AGBL1: variants seen among roughly 807,000 people sequenced by gnomAD.
AGBL1 encodes AGBL carboxypeptidase 1.
AGBL1 carries 130 observed loss-of-function variants against 118.9 expected under a neutral mutation model. The ratio of observed to expected loss-of-function variants is 1.09; its 90% CI spans 0.95 to 1.26. The LOEUF (loss-of-function observed/expected upper bound fraction) is 1.26. Ranked by LOEUF, AGBL1 falls within the 50% of genes most tolerant of loss-of-function variation. The pLI is 0.00. For missense variants in AGBL1, 1,584 were observed against 1,298.1 expected (o/e 1.22, Z -3.38); for synonymous variants, 555 against 478.9 (o/e 1.16, Z -2.08).
intron 6 of AGBL1, among the ~76,000 whole-genome samples, chr15:86,230,204 G>A (rs1372353579): frequency 6.6e-6 from 1 of 152,176 alleles, no homozygotes; most frequent in African/African-American, 2.4e-5. Context: ...CTGAGAGCCG[G>A]ATCAGGAACA....
At chr15:86,433,580 G>A (rs2081966213) in intron 18 of AGBL1, among the ~76,000 whole-genome samples, 1 of 152,094 alleles carries the variant, frequency 6.6e-6, no homozygotes, top group African/African-American at 2.4e-5. Flanking sequence ...AGAGAGAAGT[G>A]TGTCAGGGTC....
At chr15:86,578,289 A>G (rs1596284328) in intron 21 of AGBL1, among the ~76,000 whole-genome samples, 1 of 152,220 alleles carries the variant, frequency 6.6e-6, no homozygotes, top group East Asian at 1.9e-4. Flanking sequence ...TCAGACTTGC[A>G]TGGGGGATGT....
At chr15:86,400,580 C>T (rs575092332) in intron 18 of AGBL1, among the ~76,000 whole-genome samples, 7 of 150,614 alleles carry the variant, frequency 4.6e-5, no homozygotes, top group African/African-American at 1.7e-4. Context: ...TACATTGTAC[C>T]CAATGTGTAG....
At chr15:86,866,847 T>C (rs1272830998) in intron 22 of AGBL1, among the ~76,000 whole-genome samples, 2 of 152,198 alleles carry the variant, frequency 1.3e-5, no homozygotes, top group East Asian at 1.9e-4. Flanking sequence ...AATAGAACTA[T>C]GCTTAGTCCA....
intron 22 of AGBL1, among the ~76,000 whole-genome samples, chr15:86,749,816 T>C (rs2077818451): frequency 6.6e-6 from 1 of 152,208 alleles, no homozygotes; most frequent in African/African-American, 2.4e-5. Flanking sequence ...TTACTTTTAT[T>C]GATTTGCGTA....
At chr15:86,514,242 C>G (rs533888058) in intron 18 of AGBL1, among the ~76,000 whole-genome samples, 1 of 152,156 alleles carries the variant, frequency 6.6e-6, no homozygotes, top group East Asian at 1.9e-4. Context: ...TACAAAATCA[C>G]AGAGTTAATT....
intron 21 of AGBL1, among the ~76,000 whole-genome samples, chr15:86,618,809 CCCT>C (rs1454070315): frequency 4.6e-5 from 7 of 152,060 alleles, no homozygotes; most frequent in African/African-American, 1.7e-4. Context: ...GCCCGTTTTG[CCCT>C]CCTCATTACA....
chr15:86,861,687 G>A (rs1241906561), intron 22 of AGBL1, among the ~76,000 whole-genome samples: 1 of 152,116 alleles, frequency 6.6e-6, no homozygotes, highest in Non-Finnish European at 1.5e-5. Context: ...CATATAGTGA[G>A]GACACCAAAA....
intron 22 of AGBL1, among the ~76,000 whole-genome samples, chr15:86,755,673 CCT>C (rs2077927932): frequency 6.6e-6 from 1 of 152,100 alleles, no homozygotes; most frequent in African/African-American, 2.4e-5. Flanking sequence ...TTGTCCTGTG[CCT>C]CTGTTCCTTC....
At chr15:86,279,805 C>T (rs767612404) in intron 16 of AGBL1, 22 bp downstream of exon 16, 2 of 1,612,602 alleles carry the variant, frequency 1.2e-6, no homozygotes, top group Non-Finnish European at 1.7e-6. Flanking sequence ...TTTATAGCAT[C>T]ACTCCAGCAG....
intron 17 of AGBL1, among the ~76,000 whole-genome samples, chr15:86,313,160 C>T (rs2079945663): frequency 6.6e-6 from 1 of 152,070 alleles, no homozygotes; most frequent in Admixed American, 6.5e-5. Flanking sequence ...GTGGGGGACA[C>T]CTGAATTTGA....
At chr15:86,729,566 A>G (rs146531163) in intron 22 of AGBL1, among the ~76,000 whole-genome samples, 54 of 152,314 alleles carry the variant, frequency 3.5e-4, no homozygotes, top group African/African-American at 1.3e-3. Context: ...GCTTAGGATA[A>G]TGGCCTCCAG....
At chr15:87,016,304 A>G (rs761765186) in intron 24 of AGBL1, among the ~76,000 whole-genome samples, 2 of 152,182 alleles carry the variant, frequency 1.3e-5, no homozygotes, top group African/African-American at 2.4e-5. Flanking sequence ...TCTGACTGCT[A>G]TAATAGAGAC....
intron 22 of AGBL1, among the ~76,000 whole-genome samples, chr15:86,761,342 G>A (rs899369475): frequency 6.6e-6 from 1 of 152,034 alleles, no homozygotes; most frequent in African/African-American, 2.4e-5. Context: ...TAATTTTACT[G>A]GTGAAAAACC....
chr15:86,801,255 G>A (rs1426772257), intron 22 of AGBL1, among the ~76,000 whole-genome samples: 1 of 151,994 alleles, frequency 6.6e-6, no homozygotes, highest in Non-Finnish European at 1.5e-5. Context: ...ATGTTGGGGA[G>A]AAGCAGAAAA....
At chr15:87,005,185 G>A (rs577574883) in intron 24 of AGBL1, among the ~76,000 whole-genome samples, 5 of 152,106 alleles carry the variant, frequency 3.3e-5, no homozygotes, top group South Asian at 2.1e-4. Flanking sequence ...TGCTCTTCTC[G>A]AGGAATATCT....
intron 22 of AGBL1, among the ~76,000 whole-genome samples, chr15:86,867,257 A>G (rs1163440056): frequency 1.3e-5 from 2 of 152,032 alleles, no homozygotes; most frequent in Admixed American, 6.6e-5. Flanking sequence ...TTCTTTACCC[A>G]CGTTGGTCAC....
chr15:86,121,992 A>G (rs571748221), intron 1 of AGBL1, among the ~76,000 whole-genome samples: 1 of 152,356 alleles, frequency 6.6e-6, no homozygotes, highest in South Asian at 2.1e-4. Context: ...TTCAACTCAG[A>G]AAGCAATTTG....
intron 22 of AGBL1, among the ~76,000 whole-genome samples, chr15:86,730,749 A>G (rs1485462786): frequency 6.6e-6 from 1 of 152,238 alleles, no homozygotes; most frequent in Non-Finnish European, 1.5e-5. Context: ...TGGTAAAGAG[A>G]ACACAAATTT....
Sources: gnomAD v4.1 joint callset for allele counts (sites outside exome capture counted in the v4.1 genomes callset) on GRCh38, gnomAD v4.1.1 for gene constraint, MANE v1.5 for transcripts, NCBI Gene and HGNC (gene_info 2026-07-23, HGNC 2026-07-21) for gene names.